The following WWOX variants were observed in gnomAD, a reference collection of about 807,000 sequenced individuals.
WWOX encodes WW domain-containing oxidoreductase.
WWOX carries 69 observed loss-of-function variants against 46.2 expected under a neutral mutation model. The observed-to-expected ratio is 1.49, with a 90% confidence interval of 1.23 to 1.82. The LOEUF is 1.82. Among genes scored for constraint, WWOX ranks in the 40% most tolerant of loss-of-function variants. WWOX has a pLI of 0.00. For missense variants in WWOX, 919 were observed against 542.6 expected (o/e 1.69, Z -6.89); for synonymous variants, 359 against 202.6 (o/e 1.77, Z -6.56).
chr16:78,776,412 A>C (rs192887887), intron 8 of WWOX, among the ~76,000 whole-genome samples: 1 of 152,220 alleles, frequency 6.6e-6, no homozygotes, highest in East Asian at 1.9e-4. Flanking sequence ...ACTCATACCT[A>C]CTGTTCGTCA....
At chr16:78,422,545 C>T (rs73572814) in intron 6 of WWOX, among the ~76,000 whole-genome samples, 1 of 149,236 alleles carries the variant, frequency 6.7e-6, no homozygotes, top group Non-Finnish European at 1.5e-5. Context: ...TGGGGTCTTG[C>T]TGTGTTGCTC....
intron 8 of WWOX, among the ~76,000 whole-genome samples, chr16:78,895,032 C>T (rs529742095): frequency 6.6e-6 from 1 of 152,190 alleles, no homozygotes; most frequent in African/African-American, 2.4e-5. Context: ...TTTACGAGAA[C>T]TCTATGTCTT....
At chr16:78,559,936 C>T (rs1371047390) in intron 8 of WWOX, among the ~76,000 whole-genome samples, 3 of 152,186 alleles carry the variant, frequency 2.0e-5, no homozygotes, top group Non-Finnish European at 4.4e-5. Context: ...TCCCCAGCTT[C>T]TCCTGAATCT....
At chr16:78,834,278 C>T (rs966062495) in intron 8 of WWOX, among the ~76,000 whole-genome samples, 1 of 152,120 alleles carries the variant, frequency 6.6e-6, no homozygotes, top group Non-Finnish European at 1.5e-5. Context: ...GGGACCATGT[C>T]CCCATTGAAC....
chr16:78,179,028 G>A (rs1360924000), intron 5 of WWOX, among the ~76,000 whole-genome samples: 2 of 152,160 alleles, frequency 1.3e-5, no homozygotes, highest in Non-Finnish European at 2.9e-5. Flanking sequence ...TGGCAGGGGT[G>A]TTCATGATGA....
At chr16:78,774,345 G>A (rs2050135499) in intron 8 of WWOX, among the ~76,000 whole-genome samples, 1 of 152,138 alleles carries the variant, frequency 6.6e-6, no homozygotes, top group African/African-American at 2.4e-5. Flanking sequence ...AGTTTTCAGT[G>A]AGCCGAGATC....
intron 5 of WWOX, among the ~76,000 whole-genome samples, chr16:78,256,149 C>CA (rs10557567): frequency 0.11 from 7,206 of 65,216 alleles, 496 homozygotes; most frequent in Non-Finnish European, 0.14. Context: ...GACTCCATCT[C>CA]AAAAAAAAAA....
intron 8 of WWOX, among the ~76,000 whole-genome samples, chr16:79,113,337 C>T (rs1400221045): frequency 6.6e-6 from 1 of 152,198 alleles, no homozygotes; most frequent in Admixed American, 6.5e-5. Flanking sequence ...AACATGCCGT[C>T]TCTGAGTTAT....
At chr16:78,516,544 G>A (rs2043239198) in intron 8 of WWOX, among the ~76,000 whole-genome samples, 1 of 152,122 alleles carries the variant, frequency 6.6e-6, no homozygotes, top group African/African-American at 2.4e-5. Context: ...TTTCCTCTGT[G>A]ATGTTGGAAT....
At chr16:79,132,689 TAA>T (rs559438338) in intron 8 of WWOX, among the ~76,000 whole-genome samples, 1 of 152,046 alleles carries the variant, frequency 6.6e-6, no homozygotes, top group Admixed American at 6.6e-5. Flanking sequence ...TATTGTCGCT[TAA>T]AAAAAACTTT....
intron 8 of WWOX, among the ~76,000 whole-genome samples, chr16:78,918,386 C>G (rs964988798): frequency 2.0e-5 from 3 of 152,104 alleles, no homozygotes; most frequent in Non-Finnish European, 2.9e-5. Context: ...AAACCTCTCT[C>G]CTTTCCAGGC....
chr16:79,063,078 T>C (rs1310909505), intron 8 of WWOX, among the ~76,000 whole-genome samples: 11 of 152,212 alleles, frequency 7.2e-5, no homozygotes, highest in African/African-American at 2.4e-5. Context: ...GTTTGAAAGT[T>C]GGTGCCGCGC....
At chr16:78,574,817 G>T (rs1157314419) in intron 8 of WWOX, among the ~76,000 whole-genome samples, 1 of 150,176 alleles carries the variant, frequency 6.7e-6, no homozygotes, top group Non-Finnish European at 1.5e-5. Flanking sequence ...GTGAAGTGGG[G>T]AGGTGTTGAT....
At chr16:78,821,485 C>G (rs912591134) in intron 8 of WWOX, among the ~76,000 whole-genome samples, 1 of 152,186 alleles carries the variant, frequency 6.6e-6, no homozygotes, top group Non-Finnish European at 1.5e-5. Flanking sequence ...TGATCCTGGC[C>G]TTTGTCCATT....
At chr16:78,883,004 G>T (rs1398702238) in intron 8 of WWOX, among the ~76,000 whole-genome samples, 7 of 152,082 alleles carry the variant, frequency 4.6e-5, no homozygotes, top group Non-Finnish European at 1.0e-4. Context: ...GGCTGCTCCC[G>T]ACACAAGGAA....
chr16:79,179,850 A>T (rs2050874899), intron 8 of WWOX, among the ~76,000 whole-genome samples: 1 of 152,226 alleles, frequency 6.6e-6, no homozygotes, highest in South Asian at 2.1e-4. Flanking sequence ...CATGGAACTT[A>T]ACCAAATGAG....
At chr16:79,192,300 G>GATTCATTCATTC (rs3032258) in intron 8 of WWOX, among the ~76,000 whole-genome samples, 2 of 151,114 alleles carry the variant, frequency 1.3e-5, no homozygotes, top group East Asian at 2.0e-4. Context: ...TTTTCGCAGT[G>GATTCATTCATTC]ATTCATTCAT....
chr16:78,768,473 C>A (rs1597578320), intron 8 of WWOX, among the ~76,000 whole-genome samples: 1 of 151,678 alleles, frequency 6.6e-6, no homozygotes, highest in East Asian at 1.9e-4. Flanking sequence ...GCCTGTAATC[C>A]CAGCTACTCA....
At chr16:78,598,565 G>C (rs751406225) in intron 8 of WWOX, among the ~76,000 whole-genome samples, 1 of 152,156 alleles carries the variant, frequency 6.6e-6, no homozygotes, top group Non-Finnish European at 1.5e-5. Context: ...CAGGCTCTCA[G>C]GTCGGTGCCA....
Sources: allele counts gnomAD v4.1 joint callset (sites outside exome capture counted in the v4.1 genomes callset), GRCh38; gene constraint gnomAD v4.1.1; transcripts MANE v1.5; gene names NCBI Gene and HGNC (gene_info 2026-07-23, HGNC 2026-07-21).